UNC13C: variants seen among roughly 807,000 people sequenced by gnomAD.
The protein encoded by UNC13C is unc-13 homolog C, also known as protein unc-13 homolog C.
In UNC13C, 174 loss-of-function variants were observed where a neutral mutation model predicts 245.4. That is an observed-to-expected ratio of 0.71 (90% CI 0.63 to 0.80). UNC13C has a LOEUF of 0.80. Among genes scored for constraint, UNC13C ranks in the 30% least tolerant of loss-of-function variants. The pLI, the probability that UNC13C is intolerant of heterozygous loss-of-function variation, is 0.00. For missense variants in UNC13C, 2,829 were observed against 2,602.9 expected, an observed-to-expected ratio of 1.09 and a Z score of -1.89; for synonymous variants, 992 against 895.1, an observed-to-expected ratio of 1.11 and a Z score of -1.93.
chr15:54,628,006 G>T lies in UNC13C; in HGVS notation c.*893G>T, dbSNP rs1396919133. ...TGCTTTATTTTTAAAAATATTCAAT[G>T]ATTAGTATTGAATGCAGCATTACTA... On this transcript the variant is annotated 3_prime_UTR_variant, in exon 33 of 33. Transcript: ENST00000260323. The T allele has an allele frequency of 1.3e-5, 2 of 152,228 alleles. No individual in the cohort carries two copies. The highest frequency in any genetic ancestry group is 2.9e-5 in the Non-Finnish European group (2 of 67,986). 9.4% of individuals were successfully genotyped at this position (152,228 alleles called of 1,614,324 possible). A position where few individuals can be genotyped will look rare whatever the true frequency, so the allele number is the denominator to read the frequency against.
intron 30 of UNC13C, among the ~76,000 whole-genome samples, chr15:54,570,715 A>T (rs1467789162): frequency 1.3e-5 from 2 of 152,194 alleles, no homozygotes; most frequent in African/African-American, 4.8e-5. Flanking sequence ...GATCGATGAA[A>T]ATTAGCTGCA....
At chr15:54,204,809 G>A (rs942461049) in intron 4 of UNC13C, among the ~76,000 whole-genome samples, 2 of 151,930 alleles carry the variant, frequency 1.3e-5, no homozygotes, top group Admixed American at 6.6e-5. Context: ...GAGGGAAAAA[G>A]AGAATATTTG....
chr15:54,204,141 G>A (rs924091449), intron 4 of UNC13C, among the ~76,000 whole-genome samples: 11 of 151,458 alleles, frequency 7.3e-5, no homozygotes, highest in African/African-American at 9.7e-5. Context: ...TTGGGGACTC[G>A]GGAAAGGTTG....
chr15:54,006,173 G>C (rs1353894431), intron 1 of UNC13C, among the ~76,000 whole-genome samples: 1 of 152,148 alleles, frequency 6.6e-6, no homozygotes, highest in African/African-American at 2.4e-5. Context: ...AAAGGACTTT[G>C]TAGATCCTAA....
At chr15:54,608,324 T>G (rs75843209) in intron 30 of UNC13C, among the ~76,000 whole-genome samples, 10 of 152,200 alleles carry the variant, frequency 6.6e-5, no homozygotes, top group Non-Finnish European at 1.2e-4. Flanking sequence ...GTCCTCATGA[T>G]CTTGTGAAGG....
At chr15:54,081,257 A>G (rs1239282958) in intron 2 of UNC13C, among the ~76,000 whole-genome samples, 1 of 152,104 alleles carries the variant, frequency 6.6e-6, no homozygotes, top group Admixed American at 6.5e-5. Context: ...GATAAAATGT[A>G]TATTCTTTGG....
chr15:54,406,941 T>A (rs117865148), intron 18 of UNC13C, among the ~76,000 whole-genome samples: 2 of 152,224 alleles, frequency 1.3e-5, no homozygotes, highest in African/African-American at 2.4e-5. Context: ...TCAGAAGATA[T>A]ATAGAATGTC....
At chr15:54,253,320 A>G (rs929788619) in intron 8 of UNC13C, among the ~76,000 whole-genome samples, 13 of 152,204 alleles carry the variant, frequency 8.5e-5, no homozygotes, top group African/African-American at 3.1e-4. Context: ...TCAGAGATGC[A>G]TGGAAATGTC....
intron 19 of UNC13C, among the ~76,000 whole-genome samples, chr15:54,475,442 T>A (rs1892683504): frequency 6.6e-6 from 1 of 151,826 alleles, no homozygotes. Flanking sequence ...TATCTCCTAA[T>A]GCTATCCCTC....
the UNC13C span, among the ~76,000 whole-genome samples, chr15:53,958,535 G>A: frequency 9.2e-5 from 14 of 152,254 alleles, no homozygotes; most frequent in South Asian, 1.5e-3. Context: ...AGGAGGAAAC[G>A]GAGGACTTGA....
chr15:54,348,546 A>G (rs2038911823), intron 17 of UNC13C, among the ~76,000 whole-genome samples: 1 of 152,160 alleles, frequency 6.6e-6, no homozygotes, highest in Non-Finnish European at 1.5e-5. Context: ...GTATACCACA[A>G]TTTTGGCCAC....
At chr15:53,911,292 C>T in the UNC13C span, 1 of 152,274 alleles carries the variant, frequency 6.6e-6, no homozygotes, top group African/African-American at 2.4e-5. Flanking sequence ...GATTTAGCAA[C>T]AGCTGTCAGC....
chr15:54,200,123 A>G (rs2034477222), intron 4 of UNC13C, among the ~76,000 whole-genome samples: 1 of 152,134 alleles, frequency 6.6e-6, no homozygotes, highest in Non-Finnish European at 1.5e-5. Context: ...CTAATCCAAC[A>G]GGAAAATATC....
In UNC13C at chr15:54,567,784, T is replaced by G; in HGVS notation, c.5959-16T>G. The G allele has an allele frequency of 6.4e-7, 1 of 1,570,558 alleles. No homozygotes were observed. Among genetic ancestry groups the G allele is most frequent in the Non-Finnish European group, 8.6e-7 (1 of 1,158,698 alleles). On this transcript the variant is annotated splice_polypyrimidine_tract_variant and intron_variant, in intron 29 of 32. Coordinates refer to ENST00000260323, the MANE Select transcript of UNC13C (RefSeq NM_001080534.3). ...CTTCTCTCTAAATGCCTCGGCTTATTTTTTTTTCTTTGTAGCAATACTTTC... is the reference window on the plus strand; with the variant it reads ...CTTCTCTCTAAATGCCTCGGCTTATGTTTTTTTCTTTGTAGCAATACTTTC...
chr15:54,412,160 C>T (rs544251908), intron 18 of UNC13C, among the ~76,000 whole-genome samples: 4 of 151,590 alleles, frequency 2.6e-5, no homozygotes, highest in Non-Finnish European at 4.4e-5. Flanking sequence ...GAGCCAAGAT[C>T]GCACAACCGC....
Position 53,983,691 on chromosome 15 carries a change from G to A in UNC13C, c.-257+4764G>A, listed in dbSNP as rs79475007. 3.3e-3 allele frequency among the ~76,000 whole-genome samples: 501 copies of A among 151,686 alleles called. 1 individual carries two copies. Among genetic ancestry groups the A allele is most frequent in the Middle Eastern group, 0.01 (3 of 294 alleles). On this transcript the variant is annotated intron_variant, in intron 1 of 32. Coordinates refer to ENST00000260323, the MANE Select transcript of UNC13C (RefSeq NM_001080534.3). ...TCATTCTCCATTTGGCCTTGAGTGGGAACATTCCTGATACTCTCTTTCTAC... is the reference window on the plus strand; with the variant it reads ...TCATTCTCCATTTGGCCTTGAGTGGAAACATTCCTGATACTCTCTTTCTAC...
intron 17 of UNC13C, among the ~76,000 whole-genome samples, chr15:54,381,396 T>C (rs2039721775): frequency 6.6e-6 from 1 of 151,858 alleles, no homozygotes; most frequent in African/African-American, 2.4e-5. Context: ...GCCTCCAGCT[T>C]TTTTTTCTTT....
At chr15:54,582,166 T>C (rs1187285720) in intron 30 of UNC13C, among the ~76,000 whole-genome samples, 3 of 152,022 alleles carry the variant, frequency 2.0e-5, no homozygotes, top group Admixed American at 6.6e-5. Flanking sequence ...ATTCTAAGTA[T>C]AGTAATAGCA....
At chr15:54,320,331 T>C (rs1478718617) in intron 13 of UNC13C, among the ~76,000 whole-genome samples, 1 of 152,016 alleles carries the variant, frequency 6.6e-6, no homozygotes, top group Non-Finnish European at 1.5e-5. Context: ...ATTGTACTTT[T>C]GGTGCATACA....
Sources: gnomAD v4.1 joint callset for allele counts (sites outside exome capture counted in the v4.1 genomes callset) on GRCh38, gnomAD v4.1.1 for gene constraint, MANE v1.5 for transcripts, NCBI Gene and HGNC (gene_info 2026-07-23, HGNC 2026-07-21) for gene names.